DLC1: variants seen among roughly 807,000 people sequenced by gnomAD.
DLC1 encodes DLC1 Rho GTPase activating protein, also known as rho GTPase-activating protein 7.
Under a neutral mutation model 140.3 loss-of-function variants are expected in DLC1, and 54 were observed. That is an observed-to-expected ratio of 0.38 (90% CI 0.31 to 0.48). The LOEUF (loss-of-function observed/expected upper bound fraction) is 0.48, where lower values mean the gene tolerates loss of function less well. Among genes scored for constraint, DLC1 ranks in the 20% least tolerant of loss-of-function variants. DLC1 has a pLI of 0.96. For missense variants in DLC1, 2,536 were observed against 1,907.0 expected (o/e 1.33, Z -6.14); for synonymous variants, 986 against 728.1 (o/e 1.35, Z -5.70).
intron 1 of DLC1, among the ~76,000 whole-genome samples, chr8:13,563,826 C>A (rs1221926819): frequency 6.6e-6 from 1 of 151,960 alleles, no homozygotes; most frequent in Non-Finnish European, 1.5e-5. Flanking sequence ...TTAAACGAAT[C>A]AAATAATGCA....
intron 4 of DLC1, among the ~76,000 whole-genome samples, chr8:13,362,256 A>G (rs1835260617): frequency 6.6e-6 from 1 of 152,202 alleles, no homozygotes; most frequent in African/African-American, 2.4e-5. Flanking sequence ...TACAGCTTAG[A>G]TGACTTACTG....
At chr8:13,540,642 A>G (rs560231403) in intron 1 of DLC1, among the ~76,000 whole-genome samples, 7 of 152,288 alleles carry the variant, frequency 4.6e-5, no homozygotes, top group African/African-American at 1.7e-4. Flanking sequence ...TCAATTTCCT[A>G]TTATCACCAA....
chr8:13,573,119 C>A lies in DLC1; in HGVS notation c.-126+31418G>T, dbSNP rs537878517. On this transcript the variant is annotated intron_variant, in intron 1 of 1. Coordinates refer to the DLC1 transcript ENST00000631382. The stretch of plus-strand genomic sequence containing the variant: ...CAATTCACGCACATTGATGTCTTTA[C>A]GTCTTTTAAAAATTTATTTTGTCAG... Among the ~76,000 whole-genome samples the A allele has an allele frequency of 1.1e-4, 17 of 152,220 alleles. No homozygotes were observed. In the South Asian group the frequency reaches 3.5e-3, roughly 32 times the overall value.
Position 13,088,505 on chromosome 8 carries a change from C to T in DLC1, c.4274G>A (p.Arg1425Gln), listed in dbSNP as rs377127652. 54 of 1,614,064 alleles carry T rather than the reference C, an allele frequency of 3.3e-5. No individual in the cohort carries two copies. The highest frequency in any genetic ancestry group is 4.4e-5 in the South Asian group (4 of 91,088). Residue 1425 changes from arginine to glutamine, a missense_variant, in exon 16 of 18, where the codon CGA (arginine) becomes CAA (glutamine). By Grantham distance (43) the Arg-to-Gln change is conservative. Coordinates refer to ENST00000276297, the MANE Select transcript of DLC1 (RefSeq NM_182643.3). ...CGCTCACCTTAAAACAACGTAGTCT[C>T]GAGCAGGATGAGGTGCCATACTGTT... Reference protein sequence around the residue: ...VQNSMAPHPARDYVVLRTWRT... With the variant: ...VQNSMAPHPAQDYVVLRTWRT...
At chr8:13,332,237 C>A (rs527409709) in intron 4 of DLC1, among the ~76,000 whole-genome samples, 1 of 152,114 alleles carries the variant, frequency 6.6e-6, no homozygotes, top group East Asian at 1.9e-4. Flanking sequence ...GCGAATAAAG[C>A]GTAATGAACA....
At chr8:13,266,057 A>G (rs1157842728) in intron 5 of DLC1, among the ~76,000 whole-genome samples, 1 of 152,222 alleles carries the variant, frequency 6.6e-6, no homozygotes, top group Non-Finnish European at 1.5e-5. Context: ...ATCAATTTAT[A>G]CACATAATCA....
intron 4 of DLC1, among the ~76,000 whole-genome samples, chr8:13,377,014 G>A (rs1836025713): frequency 6.6e-6 from 1 of 152,154 alleles, no homozygotes; most frequent in Admixed American, 6.6e-5. Context: ...TGAATCTTTT[G>A]GATGCTTCAC....
intron 1 of DLC1, among the ~76,000 whole-genome samples, chr8:13,523,955 A>G (rs941111665): frequency 6.6e-6 from 1 of 151,742 alleles, no homozygotes; most frequent in East Asian, 1.9e-4. Context: ...GAAGTGCATT[A>G]TTAAGTAGGA....
chr8:13,391,019 T>C (rs1479944169), intron 4 of DLC1, among the ~76,000 whole-genome samples: 1 of 143,778 alleles, frequency 7.0e-6, no homozygotes, highest in East Asian at 2.0e-4. Flanking sequence ...AAAAATAGCC[T>C]GTTTTTCAAG....
rs938344227 is a variant in DLC1 at position 13,561,193 on chromosome 8, G to A, written c.-126+43344C>T. ...GCTGGAGTGCACTGGTGCAATCATA[G>A]CTCACTGCAGCCTCGTACTTCTGAC... On this transcript the variant is annotated intron_variant, in intron 1 of 1. Transcript: ENST00000631382. 3.3e-5 allele frequency among the ~76,000 whole-genome samples: 5 copies of A among 150,680 alleles called. No homozygotes were observed. In the East Asian group the frequency reaches 9.8e-4, roughly 30 times the overall value.
At chr8:13,181,732 A>G (rs1826050165) in intron 5 of DLC1, among the ~76,000 whole-genome samples, 2 of 152,022 alleles carry the variant, frequency 1.3e-5, no homozygotes, top group African/African-American at 4.8e-5. Context: ...AATCCAGTCT[A>G]TCATTGATGG....
intron 2 of DLC1, among the ~76,000 whole-genome samples, chr8:13,474,791 G>C (rs1345558272): frequency 2.0e-5 from 3 of 152,204 alleles, no homozygotes; most frequent in African/African-American, 7.2e-5. Flanking sequence ...TAGCCCCTTT[G>C]TTTTGGCCAA....
chr8:13,602,299 T>C (rs1255106733), intron 1 of DLC1, among the ~76,000 whole-genome samples: 1 of 151,764 alleles, frequency 6.6e-6, no homozygotes, highest in African/African-American at 2.4e-5. Flanking sequence ...TCAACTGCCA[T>C]GTGTAGGCCT....
intron 5 of DLC1, among the ~76,000 whole-genome samples, chr8:13,152,647 T>G (rs1823908821): frequency 6.6e-6 from 1 of 151,504 alleles, no homozygotes; most frequent in African/African-American, 2.4e-5. Context: ...ATAATAATAA[T>G]AATAATAAAA....
chr8:13,178,414 T>A (rs976150247), intron 5 of DLC1, among the ~76,000 whole-genome samples: 1 of 151,726 alleles, frequency 6.6e-6, no homozygotes, highest in African/African-American at 2.4e-5. Flanking sequence ...TACAAAAAAT[T>A]AGCCAGGCGT....
intron 3 of DLC1, among the ~76,000 whole-genome samples, chr8:13,398,949 G>C (rs548495220): frequency 2.0e-4 from 30 of 152,252 alleles, no homozygotes; most frequent in African/African-American, 6.5e-4. Context: ...AGTGTTAAGA[G>C]GTAAGGATGC....
chr8:13,176,941 G>A (rs1417388470), intron 5 of DLC1, among the ~76,000 whole-genome samples: 2 of 152,062 alleles, frequency 1.3e-5, no homozygotes, highest in Non-Finnish European at 2.9e-5. Context: ...GATGGTGGGC[G>A]GCTTCCAGGA....
intron 1 of DLC1, among the ~76,000 whole-genome samples, chr8:13,535,328 A>ACAGGAGTGT: frequency 6.6e-6 from 1 of 152,232 alleles, no homozygotes; most frequent in South Asian, 2.1e-4. Context: ...AAGTGTGGGG[A>ACAGGAGTGT]CAGGAGTGTT....
At chr8:13,308,859 T>C (rs963962530) in intron 4 of DLC1, among the ~76,000 whole-genome samples, 20 of 152,144 alleles carry the variant, frequency 1.3e-4, no homozygotes, top group African/African-American at 4.3e-4. Flanking sequence ...CTTCTCATCC[T>C]TGGTTTCTGA....
Sources: allele counts gnomAD v4.1 joint callset (sites outside exome capture counted in the v4.1 genomes callset), GRCh38; gene constraint gnomAD v4.1.1; transcripts MANE v1.5; gene names NCBI Gene and HGNC (gene_info 2026-07-23, HGNC 2026-07-21).